PCDH7: variants seen among roughly 807,000 people sequenced by gnomAD.
PCDH7 encodes the protein protocadherin-7.
In PCDH7, 17 loss-of-function variants were observed where a neutral mutation model predicts 58.9. The observed-to-expected ratio is 0.29, with a 90% CI of 0.20 to 0.43. The LOEUF is 0.43. PCDH7 is among the 20% of genes least tolerant of loss of function. PCDH7 has a pLI of 1.00. For synonymous variants in PCDH7, 664 were observed against 616.4 expected (o/e 1.08, Z -1.14); for missense variants, 1,274 against 1,441.0 (o/e 0.88, Z 1.88).
chr4:30,734,353 C>T (rs1715944347), downstream of PCDH7, among the ~76,000 whole-genome samples: 1 of 151,086 alleles, frequency 6.6e-6, no homozygotes, highest in Non-Finnish European at 1.5e-5. Flanking sequence ...CTGCCTCAGC[C>T]TCCCAAGTAG....
At chr4:30,952,011 G>C (rs1245803320) in intron 3 of PCDH7, among the ~76,000 whole-genome samples, 1 of 151,970 alleles carries the variant, frequency 6.6e-6, no homozygotes, top group African/African-American at 2.4e-5. Flanking sequence ...CCTGAACATG[G>C]GCCCTTCCCT....
chr4:30,836,750 C>T (rs1374855498), intron 1 of PCDH7, among the ~76,000 whole-genome samples: 1 of 152,068 alleles, frequency 6.6e-6, no homozygotes, highest in East Asian at 1.9e-4. Context: ...CTAGCTGGTT[C>T]AGATCATTCC....
At chr4:30,937,292 AT>A (rs1169146998) in intron 2 of PCDH7, among the ~76,000 whole-genome samples, 1 of 152,138 alleles carries the variant, frequency 6.6e-6, no homozygotes, top group Non-Finnish European at 1.5e-5. Context: ...TCTCTGCTGA[AT>A]ATAGGAAAAT....
chr4:30,863,183 A>G (rs995325077), intron 1 of PCDH7, among the ~76,000 whole-genome samples: 11 of 152,116 alleles, frequency 7.2e-5, no homozygotes, highest in Non-Finnish European at 1.0e-4. Context: ...GCTTGAAAAT[A>G]TTATGGAATG....
intron 3 of PCDH7, among the ~76,000 whole-genome samples, chr4:31,016,820 C>T (rs533414875): frequency 4.1e-5 from 6 of 145,862 alleles, no homozygotes; most frequent in Admixed American, 1.4e-4. Context: ...TGTGTGTGTG[C>T]TCGGTGTGTG....
intron 1 of PCDH7, among the ~76,000 whole-genome samples, chr4:30,807,232 T>C (rs762265414): frequency 4.6e-5 from 7 of 152,238 alleles, no homozygotes; most frequent in Non-Finnish European, 8.8e-5. Context: ...CACAAATTAT[T>C]TTATTAATAA....
intron 2 of PCDH7, among the ~76,000 whole-genome samples, chr4:30,945,755 T>C (rs2109441424): frequency 6.6e-6 from 1 of 152,254 alleles, no homozygotes; most frequent in African/African-American, 2.4e-5. Flanking sequence ...TGCAGTTTCC[T>C]GATTCCTGTG....
intron 3 of PCDH7, among the ~76,000 whole-genome samples, chr4:30,960,240 C>A (rs1329937789): frequency 6.6e-6 from 1 of 151,588 alleles, no homozygotes; most frequent in South Asian, 2.1e-4. Context: ...ATGCTACATC[C>A]AAGTAGGGAG....
intron 1 of PCDH7, among the ~76,000 whole-genome samples, chr4:30,879,580 G>A (rs1316688637): frequency 2.6e-5 from 4 of 152,056 alleles, no homozygotes; most frequent in Non-Finnish European, 5.9e-5. Context: ...ATGGAGATAT[G>A]TTTCTTGCAT....
intron 1 of PCDH7, among the ~76,000 whole-genome samples, chr4:30,772,101 C>T (rs1721491999): frequency 6.6e-6 from 1 of 152,066 alleles, no homozygotes; most frequent in Non-Finnish European, 1.5e-5. Context: ...AACTCCTGAC[C>T]TCAGGTGATC....
chr4:30,772,332 A>G (rs745733420), intron 1 of PCDH7, among the ~76,000 whole-genome samples: 3 of 152,252 alleles, frequency 2.0e-5, no homozygotes, highest in Non-Finnish European at 4.4e-5. Context: ...TTGGGAATAC[A>G]TGGGACCTAA....
chr4:30,875,295 T>A (rs1276550074), intron 1 of PCDH7, among the ~76,000 whole-genome samples: 2 of 151,974 alleles, frequency 1.3e-5, no homozygotes, highest in Non-Finnish European at 1.5e-5. Flanking sequence ...AGGACTCTAG[T>A]AATATTGAAT....
At chr4:30,798,992 G>C (rs1725157945) in intron 1 of PCDH7, among the ~76,000 whole-genome samples, 1 of 151,984 alleles carries the variant, frequency 6.6e-6, no homozygotes, top group South Asian at 2.1e-4. Context: ...GTTTTCTTTT[G>C]AAAAAAATAT....
chr4:30,808,580 G>T (rs1370810985), intron 1 of PCDH7, among the ~76,000 whole-genome samples: 4 of 151,914 alleles, frequency 2.6e-5, no homozygotes, highest in African/African-American at 9.7e-5. Flanking sequence ...CCTCCCTTCT[G>T]TTTTTCATAT....
intron 1 of PCDH7, among the ~76,000 whole-genome samples, chr4:30,754,716 G>GT (rs1427230651): frequency 3.3e-5 from 5 of 151,786 alleles, no homozygotes; most frequent in African/African-American, 1.2e-4. Flanking sequence ...CTTCAATTCA[G>GT]TTTGGTATTT....
intron 1 of PCDH7, among the ~76,000 whole-genome samples, chr4:30,892,689 T>C (rs1472221606): frequency 1.3e-5 from 2 of 152,048 alleles, no homozygotes; most frequent in Admixed American, 6.6e-5. Flanking sequence ...AGAATCTTTT[T>C]TGTGAGATGA....
At chr4:31,024,248 G>GA (rs992666678) in intron 3 of PCDH7, among the ~76,000 whole-genome samples, 6 of 152,014 alleles carry the variant, frequency 3.9e-5, no homozygotes, top group East Asian at 1.9e-4. Flanking sequence ...TTTAATACGT[G>GA]AAAAAACCTT....
chr4:30,816,165 T>C (rs137960664), intron 1 of PCDH7, among the ~76,000 whole-genome samples: 1 of 152,176 alleles, frequency 6.6e-6, no homozygotes, highest in African/African-American at 2.4e-5. Flanking sequence ...GTAGGTAATA[T>C]ATCTAGTTAA....
intron 1 of PCDH7, among the ~76,000 whole-genome samples, chr4:30,883,102 C>T (rs1737214042): frequency 1.3e-5 from 2 of 152,220 alleles, no homozygotes; most frequent in Admixed American, 1.3e-4. Flanking sequence ...CGGGCACACA[C>T]ACCCACTTAT....
Sources: gnomAD v4.1 joint callset for allele counts (sites outside exome capture counted in the v4.1 genomes callset) on GRCh38, gnomAD v4.1.1 for gene constraint, MANE v1.5 for transcripts, NCBI Gene and HGNC (gene_info 2026-07-23, HGNC 2026-07-21) for gene names.